RAD52: variants seen among roughly 807,000 people sequenced by gnomAD.
RAD52 encodes RAD52 DNA repair protein.
Under a neutral mutation model 55.5 loss-of-function variants are expected in RAD52, and 47 were observed. The ratio of observed to expected loss-of-function variants is 0.85; its 90% CI spans 0.67 to 1.08. The LOEUF (loss-of-function observed/expected upper bound fraction) is 1.08, where lower values mean the gene tolerates loss of function less well. Among genes scored for constraint, RAD52 ranks in the 50% least tolerant of loss-of-function variants. The probability of loss-of-function intolerance (pLI) is 0.00; values close to 1 mark genes in which losing one functional copy is unlikely to be tolerated. For missense variants in RAD52, 468 were observed against 522.8 expected (o/e 0.90, Z 1.02); for synonymous variants, 184 against 198.9 (o/e 0.92, Z 0.63).
Position 914,072 on chromosome 12 carries a change from C to T in RAD52, c.1017G>A (p.Gly339=), listed in dbSNP as rs1399398497. 6.2e-7 allele frequency: 1 copy of T among 1,614,144 alleles called. No individual in the cohort carries two copies. The highest frequency in any genetic ancestry group is 2.2e-5 in the East Asian group (1 of 44,870). The part of the protein sequence containing the change: ...SEKWAVTPDA[G]DGVVKPSSRA... ...TAGACGAGGGCTTGACCACACCATCCCCTGCATCGGGAGTCACAGCCCACT... is the reference window on the plus strand; with the variant it reads ...TAGACGAGGGCTTGACCACACCATCTCCTGCATCGGGAGTCACAGCCCACT... The change falls in exon 11 of 12, where the codon GGG becomes GGA. Residue 339 remains glycine, a synonymous_variant. Coordinates refer to ENST00000358495, the MANE Select transcript of RAD52 (RefSeq NM_134424.4).
At chr12:955,575 G>T (rs148910483) in intron 1 of RAD52, among the ~76,000 whole-genome samples, 1 of 151,822 alleles carries the variant, frequency 6.6e-6, no homozygotes, top group African/African-American at 2.4e-5. Flanking sequence ...CCAGGTTCAA[G>T]CAGTTCTCCA....
rs369564691 is a variant in RAD52, at chr12:914,340, G to A, written c.967+91C>T. 176 of 1,543,298 alleles carry A rather than the reference G, an allele frequency of 1.1e-4. 1 individual carries two copies. The South Asian group carries it at 1.8e-3, about 16-fold the overall frequency. ...CAGAACCCCCTCAACAAAACCACAC[G>A]AAAATGAGGATTTTTATGTCGCCTA... On this transcript the variant is annotated intron_variant, in intron 10 of 11. Coordinates refer to ENST00000358495, the MANE Select transcript of RAD52 (RefSeq NM_134424.4).
At chr12:924,846 CT>C (rs1184889728) in intron 7 of RAD52, among the ~76,000 whole-genome samples, 4 of 152,066 alleles carry the variant, frequency 2.6e-5, no homozygotes, top group Non-Finnish European at 4.4e-5. Flanking sequence ...CTGCAGAGGG[CT>C]GTGTGCTTGC....
At chr12:989,415 T>TA (rs1237073313) in intron 1 of RAD52, among the ~76,000 whole-genome samples, 1 of 152,192 alleles carries the variant, frequency 6.6e-6, no homozygotes. Flanking sequence ...CACTTTTATT[T>TA]ATCATCATTT....
intron 2 of RAD52, 71 bp downstream of exon 2, chr12:932,904 C>T: frequency 2.1e-6 from 3 of 1,423,976 alleles, no homozygotes; most frequent in Non-Finnish European, 3.0e-6. Context: ...CTACGATGCT[C>T]TACAAACTGC....
intron 1 of RAD52, among the ~76,000 whole-genome samples, chr12:944,648 G>C (rs1185246175): frequency 6.6e-6 from 1 of 150,582 alleles, no homozygotes; most frequent in Non-Finnish European, 1.5e-5. Context: ...AGAAGGGAGA[G>C]AGCCTGGACT....
intron 1 of RAD52, among the ~76,000 whole-genome samples, chr12:965,657 G>T (rs948423721): frequency 9.3e-5 from 14 of 151,196 alleles, no homozygotes; most frequent in East Asian, 5.9e-4. Flanking sequence ...TGTATTTGGG[G>T]TTTTTTTATT....
In RAD52 at chr12:914,396, A is replaced by G. The variant is rs1956246817; in HGVS notation, c.967+35T>C. Reference sequence around the variant, plus strand: ...TATTCTGTGGCTACTAGAAACATACAGCACAGTAGCTTACAAGCATTTCAA... The same window carrying G: ...TATTCTGTGGCTACTAGAAACATACGGCACAGTAGCTTACAAGCATTTCAA... On this transcript the variant is annotated intron_variant, in intron 10 of 11. Coordinates refer to ENST00000358495, the MANE Select transcript of RAD52 (RefSeq NM_134424.4). The G allele has an allele frequency of 2.5e-6, 4 of 1,611,474 alleles. No homozygotes were observed. The South Asian group carries it at 3.3e-5, about 13-fold the overall frequency.
At chr12:946,776 C>T (rs1459281210) in intron 1 of RAD52, among the ~76,000 whole-genome samples, 1 of 152,190 alleles carries the variant, frequency 6.6e-6, no homozygotes, top group African/African-American at 2.4e-5. Flanking sequence ...TTGAACATAG[C>T]TGGGAAAGCA....
intron 1 of RAD52, chr12:976,309 G>A (rs1452624713): frequency 6.6e-6 from 1 of 152,292 alleles, no homozygotes; most frequent in African/African-American, 2.4e-5. Flanking sequence ...GACAGAGCAA[G>A]ACTCCTTCTC....
chr12:919,208 G>A (rs1412573075), intron 7 of RAD52, among the ~76,000 whole-genome samples: 1 of 152,186 alleles, frequency 6.6e-6, no homozygotes, highest in African/African-American at 2.4e-5. Flanking sequence ...CACTTTGGGA[G>A]GCTGAGGCAG....
rs1956159843 is a variant in RAD52, at chr12:912,735, A to AAAAAC, written c.*655_*656insGTTTT. On this transcript the variant is annotated 3_prime_UTR_variant, in exon 12 of 12. Transcript: ENST00000358495. Reference sequence around the variant, plus strand: ...CAGACCCCGTCTCAAAAAAAAAAAAAAAAAAAAAAACAAAAAACAGCCTTT... The same window carrying AAAAAC: ...CAGACCCCGTCTCAAAAAAAAAAAAAAAAACAAAAAAAAAACAAAAAACAGCCTTT... 1.4e-5 allele frequency: 2 copies of AAAAAC among 139,218 alleles called. No individual in the cohort carries two copies. The highest frequency in any genetic ancestry group is 2.1e-4 in the South Asian group (1 of 4,786). 8.6% of individuals were successfully genotyped at this position (139,218 alleles called of 1,614,324 possible).
intron 1 of RAD52, among the ~76,000 whole-genome samples, chr12:942,724 G>T (rs1957986102): frequency 6.6e-6 from 1 of 150,632 alleles, no homozygotes; most frequent in Non-Finnish European, 1.5e-5. Flanking sequence ...CTCCAGCCTG[G>T]ACGACAGAGC....
upstream of RAD52, among the ~76,000 whole-genome samples, chr12:954,334 A>AT (rs919145275): frequency 3.3e-5 from 5 of 152,158 alleles, no homozygotes; most frequent in African/African-American, 1.2e-4. Flanking sequence ...AAATCCTTAA[A>AT]TTTTTTACAA....
intron 1 of RAD52, among the ~76,000 whole-genome samples, chr12:982,061 C>T (rs1001821963): frequency 2.6e-5 from 4 of 152,174 alleles, no homozygotes; most frequent in Admixed American, 6.5e-5. Flanking sequence ...GCCTGCAGTT[C>T]GAATGGCAGC....
intron 3 of RAD52, 25 bp from the exon 4 acceptor site, chr12:930,169 A>G (rs11571420): frequency 0.011 from 17,305 of 1,549,346 alleles, 118 homozygotes; most frequent in Non-Finnish European, 0.014. Flanking sequence ...GTTTTTAAGG[A>G]AAAGCTGTGT....
intron 1 of RAD52, among the ~76,000 whole-genome samples, chr12:970,538 C>CT (rs988892207): frequency 1.3e-5 from 2 of 152,088 alleles, no homozygotes; most frequent in South Asian, 4.2e-4. Context: ...TCCTAAGATT[C>CT]TTTTTTCAGT....
At chr12:957,346 C>T (rs1958620584) in intron 1 of RAD52, among the ~76,000 whole-genome samples, 2 of 151,518 alleles carry the variant, frequency 1.3e-5, no homozygotes, top group South Asian at 4.2e-4. Flanking sequence ...GCCTGTAATC[C>T]CAACTACTCG....
chr12:921,208 G>GA (rs752564697), intron 7 of RAD52, among the ~76,000 whole-genome samples: 27 of 149,504 alleles, frequency 1.8e-4, no homozygotes, highest in African/African-American at 6.4e-4. Context: ...CAAAGAACTA[G>GA]AAAAAAAAAG....
Sources: allele counts gnomAD v4.1 joint callset (sites outside exome capture counted in the v4.1 genomes callset), GRCh38; gene constraint gnomAD v4.1.1; transcripts MANE v1.5; gene names NCBI Gene and HGNC (gene_info 2026-07-23, HGNC 2026-07-21).